IGSF10: variants seen among roughly 807,000 people sequenced by gnomAD.
The protein encoded by IGSF10 is calvaria mechanical force protein 608.
IGSF10 carries 126 observed loss-of-function variants against 128.2 expected under a neutral mutation model. The observed-to-expected ratio is 0.98, with a 90% confidence interval of 0.85 to 1.14. The LOEUF (loss-of-function observed/expected upper bound fraction) is 1.14. IGSF10 is among the 50% of genes most tolerant of loss of function. The pLI, the probability that IGSF10 is intolerant of heterozygous loss-of-function variation, is 0.00. For synonymous variants in IGSF10, 1,185 were observed against 1,146.2 expected (o/e 1.03, Z -0.68); for missense variants, 3,295 against 3,149.8 (o/e 1.05, Z -1.10).
the IGSF10 span, among the ~76,000 whole-genome samples, chr3:151,483,944 C>G: frequency 1.3e-5 from 2 of 152,172 alleles, no homozygotes; most frequent in Non-Finnish European, 2.9e-5. Flanking sequence ...GGAACACCAG[C>G]AAGACAGAAC....
upstream of IGSF10, among the ~76,000 whole-genome samples, chr3:151,462,550 A>G (rs1237724824): frequency 1.4e-5 from 2 of 144,946 alleles, no homozygotes; most frequent in South Asian, 2.1e-4. Flanking sequence ...AGTAAGGTAC[A>G]TGAAGGAAAG....
Position 151,457,028 on chromosome 3 carries a change from G to A in IGSF10, c.322C>T (p.Gln108Ter). The A allele has an allele frequency of 1.2e-6, 2 of 1,614,098 alleles. No individual in the cohort carries two copies. Among genetic ancestry groups the A allele is most frequent in the Middle Eastern group, 1.6e-4 (1 of 6,062 alleles). Residue 108 changes from glutamine (Q) to a stop codon, truncating the protein, a stop_gained and splice_region_variant, in exon 4 of 8, where the codon CAG (glutamine) becomes TAG (stop). Transcript: ENST00000282466. LOFTEE classifies it high-confidence loss of function. Reference protein sequence around the residue: ...DKTFSDLQALQVLKMSYNKVR... With the variant: ...DKTFSDLQAL ...CCCCCTCTCTCCATCAGTCTCACCT[G>A]CAAGGCCTGCAAATCTGAGAAGGTC...
At chr3:151,476,142 A>C in the IGSF10 span, 1 of 152,214 alleles carries the variant, frequency 6.6e-6, no homozygotes, top group East Asian at 1.9e-4. Context: ...TCTCTGTGAT[A>C]TCACCTATTT....
chr3:151,498,843 C>T, the IGSF10 span, among the ~76,000 whole-genome samples: 116 of 152,230 alleles, frequency 7.6e-4, no homozygotes, highest in African/African-American at 2.5e-3. Flanking sequence ...TCTACTTACA[C>T]TTGAGCATAC....
At chr3:151,616,207 T>C in the IGSF10 span, among the ~76,000 whole-genome samples, 1 of 152,134 alleles carries the variant, frequency 6.6e-6, no homozygotes, top group South Asian at 2.1e-4. Flanking sequence ...CAGGAAGTGA[T>C]CCTCCCGCCT....
rs543698212 is a variant in IGSF10 at position 151,441,093 on chromosome 3, C to T, written c.5963+1891G>A. On this transcript the variant is annotated intron_variant, in intron 7 of 7. Coordinates refer to ENST00000282466, the MANE Select transcript of IGSF10 (RefSeq NM_178822.5). ...TAAAACAAAATCAGAGCTCCTGATT[C>T]AACAAATTCCCAGACAATGCTAATG... Among the ~76,000 whole-genome samples, 14 of 152,294 alleles carry T rather than the reference C, an allele frequency of 9.2e-5. No individual in the cohort carries two copies. The South Asian group carries it at 2.9e-3, about 32-fold the overall frequency.
chr3:151,500,125 T>C, the IGSF10 span, among the ~76,000 whole-genome samples: 1 of 152,152 alleles, frequency 6.6e-6, no homozygotes, highest in African/African-American at 2.4e-5. Context: ...CTCAACTTCT[T>C]AGGAATAGCA....
At position 151,436,810 on chromosome 3, in the gene IGSF10, A is replaced by C; in HGVS notation, c.7751T>G (p.Leu2584Arg). 1 of 1,613,954 alleles carries C rather than the reference A, an allele frequency of 6.2e-7. No individual in the cohort carries two copies. Residue 2584 changes from leucine (L) to arginine (R), a missense_variant, in exon 8 of 8, where the codon CTT becomes CGT. Transcript: ENST00000282466. ...SKERTHGSEQ[L>R]HLQGTLVIQN... Reference sequence around the variant, plus strand: ...AATGACTAGGGTACCTTGTAAGTGAAGCTGCTCACTTCCATGTGTCCTCTC... The same window carrying C: ...AATGACTAGGGTACCTTGTAAGTGACGCTGCTCACTTCCATGTGTCCTCTC...
intron 4 of IGSF10, among the ~76,000 whole-genome samples, chr3:151,456,324 G>T (rs1301352838): frequency 6.6e-6 from 1 of 152,164 alleles, no homozygotes; most frequent in Non-Finnish European, 1.5e-5. Context: ...TTATGGCACT[G>T]TATTTTATGA....
At chr3:151,454,964 C>G (rs941475043) in intron 4 of IGSF10, among the ~76,000 whole-genome samples, 2 of 152,022 alleles carry the variant, frequency 1.3e-5, no homozygotes, top group Non-Finnish European at 2.9e-5. Flanking sequence ...TGAGATTGCA[C>G]CACCGCACTC....
chr3:151,491,605 CATAA>C, the IGSF10 span, among the ~76,000 whole-genome samples: 3 of 151,978 alleles, frequency 2.0e-5, no homozygotes, highest in Non-Finnish European at 4.4e-5. Context: ...ACAATAAATA[CATAA>C]ATAGAGTCAG....
the IGSF10 span, among the ~76,000 whole-genome samples, chr3:151,614,932 G>A: frequency 6.6e-6 from 1 of 151,334 alleles, no homozygotes; most frequent in African/African-American, 2.4e-5. Flanking sequence ...AATAATTATG[G>A]TGATATCAAT....
At chr3:151,536,588 A>C in the IGSF10 span, among the ~76,000 whole-genome samples, 13 of 152,182 alleles carry the variant, frequency 8.5e-5, no homozygotes, top group Non-Finnish European at 1.6e-4. Context: ...TTAGCATTGT[A>C]AATCTGTCCT....
At chr3:151,457,360 C>T (rs1356734292) in intron 3 of IGSF10, among the ~76,000 whole-genome samples, 1 of 152,184 alleles carries the variant, frequency 6.6e-6, no homozygotes, top group Non-Finnish European at 1.5e-5. Flanking sequence ...CAGTTACAAT[C>T]ACCCCCCTCA....
the IGSF10 span, among the ~76,000 whole-genome samples, chr3:151,536,672 G>A: frequency 3.3e-5 from 5 of 152,074 alleles, no homozygotes; most frequent in South Asian, 2.1e-4. Flanking sequence ...AAAAAATGCC[G>A]AATCTAAAGT....
chr3:151,580,646 T>TA, the IGSF10 span, among the ~76,000 whole-genome samples: 3 of 152,116 alleles, frequency 2.0e-5, no homozygotes, highest in African/African-American at 7.2e-5. Flanking sequence ...ACAAACTAAC[T>TA]AACAAAAGAC....
At chr3:151,547,549 C>G in the IGSF10 span, among the ~76,000 whole-genome samples, 1 of 151,994 alleles carries the variant, frequency 6.6e-6, no homozygotes, top group African/African-American at 2.4e-5. Flanking sequence ...TGTGAAACAG[C>G]TTCTCCTAGA....
chr3:151,499,481 A>T, the IGSF10 span, among the ~76,000 whole-genome samples: 2 of 152,152 alleles, frequency 1.3e-5, no homozygotes, highest in African/African-American at 4.8e-5. Context: ...ATTACAGCAG[A>T]GTTTTGCTCA....
chr3:151,445,697 A>G lies in IGSF10; in HGVS notation c.4284T>C (p.Ser1428=). Residue 1428 remains serine, a synonymous_variant, in exon 6 of 8, where the codon AGT becomes AGC. Coordinates refer to ENST00000282466, the MANE Select transcript of IGSF10 (RefSeq NM_178822.5). ...CAATTGTGCTCTTCAAAGTCTGAGT[A>G]CTTGCTTGGGCTAGTTCTTCAATCA... is the stretch of plus-strand genomic sequence containing the variant. ...TDVIEELAQA[S]TQTLKSTIAS... is the part of the protein sequence containing the mutation. 1 of 1,614,250 alleles carries G rather than the reference A, an allele frequency of 6.2e-7. No homozygotes were observed. The highest frequency in any genetic ancestry group is 1.1e-5 in the South Asian group (1 of 91,088).
Sources: allele counts gnomAD v4.1 joint callset (sites outside exome capture counted in the v4.1 genomes callset), GRCh38; gene constraint gnomAD v4.1.1; transcripts MANE v1.5; gene names NCBI Gene and HGNC (gene_info 2026-07-23, HGNC 2026-07-21).